The following PCDH15 variants were observed in gnomAD, a reference collection of about 807,000 sequenced individuals.
PCDH15 encodes protocadherin-15.
A neutral mutation model predicts 178.5 loss-of-function variants in PCDH15; 129 were observed. The observed-to-expected ratio is 0.72, with a 90% CI of 0.63 to 0.84. The LOEUF (loss-of-function observed/expected upper bound fraction) is 0.84, where lower values mean the gene tolerates loss of function less well. Among genes scored for constraint, PCDH15 ranks in the 40% least tolerant of loss-of-function variants. PCDH15 has a pLI of 0.00. For synonymous variants in PCDH15, 800 were observed against 732.0 expected (o/e 1.09, Z -1.50); for missense variants, 2,230 against 2,099.9 (o/e 1.06, Z -1.21).
intron 15 of PCDH15, among the ~76,000 whole-genome samples, chr10:54,129,464 G>A (rs1055961787): frequency 6.6e-6 from 1 of 152,086 alleles, no homozygotes; most frequent in African/African-American, 2.4e-5. Flanking sequence ...AAGTAGAAAC[G>A]ATGAAAAGCA....
chr10:54,661,687 T>C (rs1243792991), intron 2 of PCDH15, among the ~76,000 whole-genome samples: 1 of 151,886 alleles, frequency 6.6e-6, no homozygotes, highest in Non-Finnish European at 1.5e-5. Flanking sequence ...AAACTCAGCA[T>C]GGCATTGGCA....
chr10:54,278,972 T>C (rs1392291368), intron 8 of PCDH15, among the ~76,000 whole-genome samples: 1 of 151,602 alleles, frequency 6.6e-6, no homozygotes, highest in Non-Finnish European at 1.5e-5. Context: ...CATGATATTA[T>C]ACAATAAACA....
chr10:54,664,197 T>A lies in PCDH15; in HGVS notation c.66A>T (p.Glu22Asp), dbSNP rs1344434931. The change falls in exon 2 of 38, where the codon GAA (glutamate) becomes GAT (aspartate). Residue 22 changes from glutamate to aspartate, a missense_variant. Coordinates refer to ENST00000644397, the MANE Select transcript of PCDH15 (RefSeq NM_001384140.1). ...ASGIILGSLF[E>D]ICLGQYDDDC... ...CATCATCATACTGGCCCAAGCAGAT[T>A]TCAAAGAGAGAGCCCAGGATGATCC... 6.2e-7 allele frequency: 1 copy of A among 1,612,324 alleles called. No individual in the cohort carries two copies. The highest frequency in any genetic ancestry group is 2.2e-5 in the East Asian group (1 of 44,804).
intron 2 of PCDH15, among the ~76,000 whole-genome samples, chr10:55,448,167 A>G (rs1435159462): frequency 1.3e-5 from 2 of 152,052 alleles, no homozygotes. Flanking sequence ...GTGAAAAAGG[A>G]GACAGGGGGA....
chr10:53,889,699 G>C (rs2081418935), intron 26 of PCDH15, among the ~76,000 whole-genome samples: 1 of 151,966 alleles, frequency 6.6e-6, no homozygotes, highest in African/African-American at 2.4e-5. Flanking sequence ...CTACTCCTAA[G>C]TATATTTGTA....
rs201289275 is a variant in PCDH15, at chr10:54,793,966, TTC to T, written c.-29+6957_-29+6958del. Among the ~76,000 whole-genome samples, 1,404 of 146,970 alleles carry T rather than the reference TTC, an allele frequency of 9.6e-3. 22 individuals carry two copies. The highest frequency in any genetic ancestry group is 0.032 in the African/African-American group (1,268 of 39,540). On this transcript the variant is annotated intron_variant, in intron 1 of 37. Coordinates refer to ENST00000644397, the MANE Select transcript of PCDH15 (RefSeq NM_001384140.1). ...AACTTGACTAAGGGGCAGGAATGTG[TTC>T]TTTTTTTTTTCATTATACTCACAAT...
intron 3 of PCDH15, chr10:54,897,315 C>T (rs751659090): frequency 3.3e-5 from 5 of 152,104 alleles, no homozygotes; most frequent in African/African-American, 7.2e-5. Context: ...TGCAACATAT[C>T]GATGATAGTT....
intron 2 of PCDH15, among the ~76,000 whole-genome samples, chr10:55,152,904 T>A (rs1185469837): frequency 2.6e-5 from 4 of 151,926 alleles, no homozygotes. Flanking sequence ...ATTATGTAAA[T>A]TACATAACTT....
intron 3 of PCDH15, among the ~76,000 whole-genome samples, chr10:54,808,494 C>T (rs1484146126): frequency 6.6e-6 from 1 of 152,088 alleles, no homozygotes; most frequent in Non-Finnish European, 1.5e-5. Context: ...ATTCACTTGC[C>T]CTCTATCAAG....
At chr10:54,811,464 T>A (rs1425976886) in intron 3 of PCDH15, among the ~76,000 whole-genome samples, 1 of 150,766 alleles carries the variant, frequency 6.6e-6, no homozygotes, top group Non-Finnish European at 1.5e-5. Flanking sequence ...AGCTAAATAA[T>A]TTTTTTTATT....
At chr10:54,402,719 G>A (rs147617210) in intron 3 of PCDH15, among the ~76,000 whole-genome samples, 95 of 151,934 alleles carry the variant, frequency 6.3e-4, no homozygotes, top group African/African-American at 2.2e-3. Flanking sequence ...TTGGGATGCC[G>A]CAAACCATTC....
intron 21 of PCDH15, among the ~76,000 whole-genome samples, chr10:53,977,637 C>G (rs917645766): frequency 6.6e-6 from 1 of 152,168 alleles, no homozygotes; most frequent in African/African-American, 2.4e-5. Flanking sequence ...CACAATCATG[C>G]CTTCCCAACA....
chr10:54,730,825 T>A (rs1248796671), intron 1 of PCDH15, among the ~76,000 whole-genome samples: 2 of 151,504 alleles, frequency 1.3e-5, no homozygotes, highest in African/African-American at 4.8e-5. Context: ...GAAAAAATAC[T>A]TAACGACACT....
Position 53,810,653 on chromosome 10 carries a change from G to A in PCDH15, c.4574C>T (p.Pro1525Leu). ...YYSYEHGYEM[P>L]QYGSRRRLLP... is the part of the protein sequence containing the mutation. The stretch of plus-strand genomic sequence containing the variant: ...CAATCGACGGCGACTCCCATATTGA[G>A]GCATTTCATACCTGTAATATAAACT... Residue 1525 changes from proline (P) to leucine (L), a missense_variant, in exon 37 of 38, where the codon CCT becomes CTT. Pro to Leu is a moderately conservative substitution (Grantham distance 98, BLOSUM62 -3). Transcript: ENST00000644397. 6.2e-7 allele frequency: 1 copy of A among 1,613,386 alleles called. No individual in the cohort carries two copies. The highest frequency in any genetic ancestry group is 8.5e-7 in the Non-Finnish European group (1 of 1,179,486).
At chr10:54,082,497 T>G (rs2094449685) in intron 16 of PCDH15, among the ~76,000 whole-genome samples, 1 of 152,132 alleles carries the variant, frequency 6.6e-6, no homozygotes, top group Non-Finnish European at 1.5e-5. Flanking sequence ...AAGGAAAGAA[T>G]AGTCTTGTCA....
At chr10:55,263,526 A>T (rs1474087204) in intron 1 of PCDH15, among the ~76,000 whole-genome samples, 1 of 151,904 alleles carries the variant, frequency 6.6e-6, no homozygotes, top group African/African-American at 2.4e-5. Flanking sequence ...CCCAGCAGCC[A>T]CGAGGGGGAG....
chr10:55,524,449 AAAT>A (rs1290221008), intron 2 of PCDH15, among the ~76,000 whole-genome samples: 1 of 151,674 alleles, frequency 6.6e-6, no homozygotes, highest in Non-Finnish European at 1.5e-5. Flanking sequence ...AAAGAATGTA[AAAT>A]ATCTCATTAA....
At position 54,784,416 on chromosome 10, in the gene PCDH15, A is replaced by C. The variant is rs570808198; in HGVS notation, c.-29+16509T>G. ...GACTAAGAGCAGATTTCGCGGTAGA[A>C]ATGTAACAAGCCAGGAATAATGGGA... On this transcript the variant is annotated intron_variant, in intron 1 of 37. Transcript: ENST00000644397. Among the ~76,000 whole-genome samples, 4 of 152,130 alleles carry C rather than the reference A, an allele frequency of 2.6e-5. No individual in the cohort carries two copies. The South Asian group carries it at 8.3e-4, about 32-fold the overall frequency.
Position 54,307,102 on chromosome 10 carries a change from G to GTATA in PCDH15, c.876+10168_876+10169insTATA, listed in dbSNP as rs2060582869. ...TATACATATATATATATGTGTGTGT[G>GTATA]TGTATATATATATATATATATATAT... On this transcript the variant is annotated intron_variant, in intron 8 of 37. Coordinates refer to ENST00000644397, the MANE Select transcript of PCDH15 (RefSeq NM_001384140.1). Among the ~76,000 whole-genome samples the GTATA allele has an allele frequency of 3.6e-3, 42 of 11,728 alleles. 3 individuals carry two copies. Among genetic ancestry groups the GTATA allele is most frequent in the Non-Finnish European group, 5.2e-3 (36 of 6,930 alleles). 7.7% of individuals were successfully genotyped at this position (11,728 alleles called of 152,430 possible). A position where few individuals can be genotyped will look rare whatever the true frequency, so the allele number is the denominator to read the frequency against.
Sources: allele counts gnomAD v4.1 joint callset (sites outside exome capture counted in the v4.1 genomes callset), GRCh38; gene constraint gnomAD v4.1.1; transcripts MANE v1.5; gene names NCBI Gene and HGNC (gene_info 2026-07-23, HGNC 2026-07-21).